METTL21A: variants seen among roughly 807,000 people sequenced by gnomAD.
METTL21A encodes the protein methyltransferase 21A, HSPA lysine, also known as protein N-lysine methyltransferase METTL21A.
Under a neutral mutation model 20.9 loss-of-function variants are expected in METTL21A, and 22 were observed. The ratio of observed to expected loss-of-function variants is 1.05; its 90% confidence interval spans 0.75 to 1.50. METTL21A has a LOEUF of 1.50. Among genes scored for constraint, METTL21A ranks in the 40% most tolerant of loss-of-function variants. The probability of loss-of-function intolerance (pLI) is 0.00; values close to 1 mark genes in which losing one functional copy is unlikely to be tolerated. For synonymous variants in METTL21A, 93 were observed against 102.0 expected, an observed-to-expected ratio of 0.91 and a Z score of 0.53; for missense variants, 271 against 266.8, an observed-to-expected ratio of 1.02 and a Z score of -0.11.
chr2:207,590,190 A>G (rs1322949843), intron 3 of METTL21A, among the ~76,000 whole-genome samples: 1 of 148,628 alleles, frequency 6.7e-6, no homozygotes, highest in Non-Finnish European at 1.5e-5. Flanking sequence ...CCATTTCTTC[A>G]AAGTTATCAA....
At position 207,599,580 on chromosome 2, in the gene METTL21A, T is replaced by C. The variant is rs369543832; in HGVS notation, c.260-17420A>G. 7.1e-5 allele frequency: 14 copies of C among 197,982 alleles called. No individual in the cohort carries two copies. The South Asian group carries it at 2.7e-3, about 38-fold the overall frequency. The allele number at this position is 197,982 out of a possible 1,614,324, so 12.3% of individuals were successfully genotyped here. On this transcript the variant is annotated intron_variant, in intron 3 of 3. Transcript: ENST00000425132. ...ATGATTGCACTGGTTTTGAAGTCAG[T>C]TGCTTAATGATGAGGTGAGAAATGT...
intron 3 of METTL21A, among the ~76,000 whole-genome samples, chr2:207,586,326 ACT>A (rs1032110012): frequency 5.9e-5 from 9 of 152,256 alleles, no homozygotes; most frequent in East Asian, 1.9e-4. Flanking sequence ...GGGAAAGGAC[ACT>A]CTCTTCAATC....
exon 4 of METTL21A, chr2:207,613,052 G>C (rs750637578): frequency 1.3e-6 from 2 of 1,553,886 alleles, no homozygotes; most frequent in Non-Finnish European, 8.7e-7. Flanking sequence ...CCAATTATAA[G>C]TCCTCCTTCT....
chr2:207,617,296 G>GT (rs1330859783), intron 3 of METTL21A, among the ~76,000 whole-genome samples: 5 of 152,216 alleles, frequency 3.3e-5, no homozygotes, highest in Non-Finnish European at 5.9e-5. Flanking sequence ...TTGTGATGCA[G>GT]TGTGGGAAGA....
At position 207,621,991 on chromosome 2, in the gene METTL21A, ACACCCACC is replaced by A. The variant is rs2090543004; in HGVS notation, c.148-82_148-75del. 1.4e-5 allele frequency: 18 copies of A among 1,264,808 alleles called. No individual in the cohort carries two copies. In the Admixed American group the frequency reaches 3.0e-4, roughly 21 times the overall value. The allele number at this position is 1,264,808 out of a possible 1,614,324, so 78.3% of individuals were successfully genotyped here. On this transcript the variant is annotated intron_variant, in intron 2 of 3. Transcript: ENST00000406927. ...GTAGCTGCAGGGTTTCAGGTCAGCT[ACACCCACC>A]CCTCTCCCACTTCGAGGTTCAATTC...
chr2:207,591,630 G>A (rs1412614221), intron 3 of METTL21A, among the ~76,000 whole-genome samples: 2 of 151,950 alleles, frequency 1.3e-5, no homozygotes, highest in African/African-American at 2.4e-5. Flanking sequence ...ACGGGGTTTC[G>A]CCATGTTGGC....
intron 3 of METTL21A, chr2:207,615,693 TAAA>T (rs755303520): frequency 8.3e-5 from 9 of 108,648 alleles, no homozygotes; most frequent in Admixed American, 1.0e-4. Flanking sequence ...AGACTCCGTC[TAAA>T]AAAAAAAAAA....
chr2:207,593,960 C>T (rs1415860894), intron 3 of METTL21A, among the ~76,000 whole-genome samples: 1 of 152,106 alleles, frequency 6.6e-6, no homozygotes, highest in Non-Finnish European at 1.5e-5. Flanking sequence ...CTCAAGTGAT[C>T]TGCCTGCCTC....
chr2:207,583,882 T>C (rs756063383), intron 3 of METTL21A, among the ~76,000 whole-genome samples: 2 of 152,212 alleles, frequency 1.3e-5, no homozygotes, highest in Non-Finnish European at 2.9e-5. Context: ...TTTCTACCCT[T>C]ATAGTTCTGC....
intron 3 of METTL21A, chr2:207,599,349 C>T (rs548140887): frequency 2.4e-5 from 5 of 206,134 alleles, no homozygotes; most frequent in Non-Finnish European, 4.0e-5. Context: ...TCGAATCGAA[C>T]ATTTTGAATG....
chr2:207,620,626 T>C (rs1429859723), intron 3 of METTL21A: 2 of 1,511,524 alleles, frequency 1.3e-6, no homozygotes, highest in African/African-American at 2.8e-5. Flanking sequence ...TACACGGGAA[T>C]GTTCTAAGGC....
At chr2:207,604,953 A>G (rs1181246052), downstream of METTL21A, among the ~76,000 whole-genome samples, 1 of 152,176 alleles carries the variant, frequency 6.6e-6, no homozygotes, top group African/African-American at 2.4e-5. Context: ...ATGCCATTGT[A>G]GATATATACC....
At chr2:207,597,163 A>T in intron 3 of METTL21A, 3 of 1,305,152 alleles carry the variant, frequency 2.3e-6, no homozygotes, top group Non-Finnish European at 3.1e-6. Context: ...CTTTTTTTCT[A>T]TGCGCAAAAC....
intron 3 of METTL21A, among the ~76,000 whole-genome samples, chr2:207,618,854 A>C (rs772307642): frequency 6.6e-6 from 1 of 152,098 alleles, no homozygotes; most frequent in Non-Finnish European, 1.5e-5. Flanking sequence ...GTGAGGGGGG[A>C]CTGCTACAGT....
chr2:207,584,499 G>A (rs1439786024), intron 3 of METTL21A, among the ~76,000 whole-genome samples: 1 of 152,150 alleles, frequency 6.6e-6, no homozygotes, highest in Non-Finnish European at 1.5e-5. Flanking sequence ...TGCCTCCTGG[G>A]TTCAAGAGAT....
At chr2:207,618,110 T>A (rs1473623419) in intron 3 of METTL21A, among the ~76,000 whole-genome samples, 1 of 152,200 alleles carries the variant, frequency 6.6e-6, no homozygotes, top group African/African-American at 2.4e-5. Context: ...AAAGACAGTA[T>A]CTTCCTCAGC....
Position 207,618,445 on chromosome 2 carries a change from A to G in METTL21A, c.259+3361T>C, listed in dbSNP as rs374963595. 5.7e-4 allele frequency among the ~76,000 whole-genome samples: 87 copies of G among 152,344 alleles called. 3 individuals are homozygous for G. In the South Asian group the frequency reaches 0.015, roughly 26 times the overall value. ...CAATAAATAATAAAACAAGATAATT[A>G]TAACAATATACCATAATAAAAGTTA... On this transcript the variant is annotated intron_variant, in intron 3 of 3. Transcript: ENST00000406927.
chr2:207,617,593 C>T (rs1161768073), intron 3 of METTL21A, among the ~76,000 whole-genome samples: 1 of 152,230 alleles, frequency 6.6e-6, no homozygotes, highest in Non-Finnish European at 1.5e-5. Context: ...CTTACTAAGA[C>T]GCCTGGGATT....
intron 3 of METTL21A, among the ~76,000 whole-genome samples, chr2:207,588,906 C>A (rs2084433513): frequency 6.7e-6 from 1 of 150,370 alleles, no homozygotes; most frequent in Non-Finnish European, 1.5e-5. Context: ...GGTGTAGATT[C>A]TTTGGGATTC....
Sources: gnomAD v4.1 joint callset for allele counts (sites outside exome capture counted in the v4.1 genomes callset) on GRCh38, gnomAD v4.1.1 for gene constraint, MANE v1.5 for transcripts, NCBI Gene and HGNC (gene_info 2026-07-23, HGNC 2026-07-21) for gene names.